ZNF605: variants seen among roughly 807,000 people sequenced by gnomAD.
ZNF605 encodes the protein zinc finger protein 605.
ZNF605 carries 9 observed loss-of-function variants against 7.9 expected under a neutral mutation model. The ratio of observed to expected loss-of-function variants is 1.14; its 90% CI spans 0.68 to 1.98. The LOEUF (loss-of-function observed/expected upper bound fraction) is 1.98. Among genes scored for constraint, ZNF605 ranks in the 30% most tolerant of loss-of-function variants. ZNF605 has a pLI of 0.00. For synonymous variants in ZNF605, 255 were observed against 260.1 expected (o/e 0.98, Z 0.19); for missense variants, 673 against 762.4 (o/e 0.88, Z 1.38).
intron 3 of ZNF605, among the ~76,000 whole-genome samples, chr12:132,944,262 G>C (rs1396043104): frequency 6.6e-6 from 1 of 151,724 alleles, no homozygotes; most frequent in African/African-American, 2.4e-5. Flanking sequence ...CCGTCACCCA[G>C]GCTGGAGTGC....
chr12:132,925,465 T>C lies in ZNF605; in HGVS notation c.1834A>G (p.Thr612Ala). The C allele has an allele frequency of 6.2e-7, 1 of 1,614,236 alleles. No homozygotes were observed. The highest frequency in any genetic ancestry group is 1.1e-5 in the South Asian group (1 of 91,088). Residue 612 changes from threonine to alanine, a missense_variant, in exon 5 of 5, where the codon ACA (threonine) becomes GCA (alanine). Transcript: ENST00000360187. The stretch of plus-strand genomic sequence containing the variant: ...TTGCATCCATAGTATTTATCTCCTG[T>C]ATGAATCCTCTGATGCCTCATAAGG... ...SHLMRHQRIHTGDKYYGCNEC... is the reference protein window; with the variant it reads ...SHLMRHQRIHAGDKYYGCNEC...
Position 132,933,231 on chromosome 12 carries a change from G to T in ZNF605, c.16-76C>A, listed in dbSNP as rs1269273368. The T allele has an allele frequency of 2.0e-6, 3 of 1,500,664 alleles. No homozygotes were observed. Among genetic ancestry groups the T allele is most frequent in the South Asian group, 1.4e-5 (1 of 73,578 alleles). 93.0% of individuals were successfully genotyped at this position (1,500,664 alleles called of 1,614,324 possible). ...GTAAAATACTTTCTTCTGTATTTGT[G>T]GTAGGTGGCCTCTAAGATGGCCCCA... is the stretch of plus-strand genomic sequence containing the variant. On this transcript the variant is annotated intron_variant, in intron 3 of 4. Coordinates refer to ENST00000360187, the MANE Select transcript of ZNF605 (RefSeq NM_183238.4). The surrounding 1 kb of genome is among the most constrained non-coding windows in gnomAD (Gnocchi z 4.4).
intron 1 of ZNF605, among the ~76,000 whole-genome samples, chr12:132,951,808 A>ACACACATACACATACAC (rs1593606089): frequency 6.6e-6 from 1 of 151,416 alleles, no homozygotes; most frequent in Admixed American, 6.6e-5. Flanking sequence ...ATCACACATC[A>ACACACATACACATACAC]CACACATACA....
intron 3 of ZNF605, among the ~76,000 whole-genome samples, chr12:132,934,947 C>T (rs1401388101): frequency 6.6e-6 from 1 of 151,990 alleles, no homozygotes; most frequent in African/African-American, 2.4e-5. Flanking sequence ...GTCCTGGTTA[C>T]AGAGGGGGAT....
In ZNF605 at chr12:132,918,863, G is replaced by C. The variant is rs1283452859; in HGVS notation, c.*6510C>G. ...GGCCTCCCAAAGTGCTGGGATGACAGGCGTGAGCCATCGCACCTGGCCAGC... is the reference window on the plus strand; with the variant it reads ...GGCCTCCCAAAGTGCTGGGATGACACGCGTGAGCCATCGCACCTGGCCAGC... On this transcript the variant is annotated 3_prime_UTR_variant, in exon 5 of 5. Transcript: ENST00000360187. The C allele has an allele frequency of 2.0e-5, 3 of 152,326 alleles. No homozygotes were observed. Among genetic ancestry groups the C allele is most frequent in the African/African-American group, 7.2e-5 (3 of 41,472 alleles). 9.4% of individuals were successfully genotyped at this position (152,326 alleles called of 1,614,324 possible).
intron 3 of ZNF605, among the ~76,000 whole-genome samples, chr12:132,935,990 G>A (rs1952361544): frequency 6.6e-6 from 1 of 151,728 alleles, no homozygotes; most frequent in African/African-American, 2.4e-5. Flanking sequence ...GAACCCAGGA[G>A]GTGGAGCTTG....
At chr12:132,950,552 T>C (rs1174366763) in intron 1 of ZNF605, among the ~76,000 whole-genome samples, 1 of 149,370 alleles carries the variant, frequency 6.7e-6, no homozygotes, top group Non-Finnish European at 1.5e-5. Flanking sequence ...GACACACTAA[T>C]ACACCCGTAC....
chr12:132,941,802 G>GCCCTCTGTCACGCT lies in ZNF605; in HGVS notation c.15+3805_15+3818dup, dbSNP rs1952445570. ...TCCGTCACGCGCCCTTTTCCAGGCT[G>GCCCTCTGTCACGCT]CCCTCTGTCACGCTCCTTCTCGAGG... is the stretch of plus-strand genomic sequence containing the variant. On this transcript the variant is annotated intron_variant, in intron 3 of 4. Transcript: ENST00000360187. This position sits in a 1 kb window ranked among gnomAD's most constrained non-coding sequence, Gnocchi z 5.1. Among the ~76,000 whole-genome samples, 4 of 151,586 alleles carry GCCCTCTGTCACGCT rather than the reference G, an allele frequency of 2.6e-5. No individual in the cohort carries two copies. Among genetic ancestry groups the GCCCTCTGTCACGCT allele is most frequent in the Non-Finnish European group, 5.9e-5 (4 of 67,904 alleles).
In ZNF605 at chr12:132,932,419, T is replaced by C. The variant is rs368296908; in HGVS notation, c.136+616A>G. On this transcript the variant is annotated intron_variant, in intron 4 of 4. Transcript: ENST00000360187. ...TCTAAAAGAAGAAAAAAATTATGAA[T>C]TCATAAAGAGAGCCTTAACTAAGAA... Among the ~76,000 whole-genome samples the C allele has an allele frequency of 3.5e-4, 53 of 152,266 alleles. No individual in the cohort carries two copies. The South Asian group carries it at 0.011, about 30-fold the overall frequency.
chr12:132,925,427 G>C lies in ZNF605; in HGVS notation c.1872C>G (p.Thr624=), dbSNP rs1952237300. ...DKYYGCNECG[T]TFNRKSQLMI... is the part of the protein sequence containing the mutation. ...TAAGCTGCGACTTCCTGTTGAAGGT[G>C]GTCCCACACTCATTGCATCCATAGT... Residue 624 remains threonine, a synonymous_variant, in exon 5 of 5, where the codon ACC becomes ACG. Transcript: ENST00000360187. 1.2e-6 allele frequency: 2 copies of C among 1,610,496 alleles called. No individual in the cohort carries two copies. The highest frequency in any genetic ancestry group is 1.3e-5 in the African/African-American group (1 of 74,784).
intron 1 of ZNF605, among the ~76,000 whole-genome samples, chr12:132,950,484 C>G (rs1593604034): frequency 6.6e-6 from 1 of 151,920 alleles, no homozygotes; most frequent in African/African-American, 2.4e-5. Flanking sequence ...CATGCACACA[C>G]AGACGCACAC....
chr12:132,953,468 T>C (rs1952594533), intron 1 of ZNF605, among the ~76,000 whole-genome samples: 2 of 152,198 alleles, frequency 1.3e-5, no homozygotes, highest in Non-Finnish European at 2.9e-5. Flanking sequence ...CACTCTGTCA[T>C]CAGGCTGGAG....
chr12:132,944,545 T>C (rs1387209397), intron 3 of ZNF605, among the ~76,000 whole-genome samples: 4 of 152,294 alleles, frequency 2.6e-5, no homozygotes, highest in East Asian at 3.9e-4. Flanking sequence ...ATGGGGACCA[T>C]TTGAAGGTTT....
intron 1 of ZNF605, among the ~76,000 whole-genome samples, chr12:132,952,084 A>G (rs1952578959): frequency 6.6e-6 from 1 of 152,132 alleles, no homozygotes; most frequent in Non-Finnish European, 1.5e-5. Context: ...AGACCACTCA[A>G]CAAGATGTAC....
At chr12:132,931,719 G>T (rs981557237) in intron 4 of ZNF605, among the ~76,000 whole-genome samples, 18 of 152,186 alleles carry the variant, frequency 1.2e-4, no homozygotes, top group Non-Finnish European at 1.6e-4. Context: ...CATACCATGA[G>T]ATTCTTCAAC....
In ZNF605 at chr12:132,923,780, T is replaced by A. The variant is rs773992338; in HGVS notation, c.*1593A>T. 6.6e-6 allele frequency: 1 copy of A among 152,200 alleles called. No individual in the cohort carries two copies. The highest frequency in any genetic ancestry group is 1.5e-5 in the Non-Finnish European group (1 of 68,024). The allele number at this position is 152,200 out of a possible 1,614,324, so 9.4% of individuals were successfully genotyped here. ...CATTATTTATTCAAATACTTCTTCA[T>A]GCCTCTTCATTTTCTCCTCTCCTTC... is the stretch of plus-strand genomic sequence containing the variant. On this transcript the variant is annotated 3_prime_UTR_variant, in exon 5 of 5. Transcript: ENST00000360187.
chr12:132,951,574 T>TGC (rs1952567694), intron 1 of ZNF605, among the ~76,000 whole-genome samples: 3 of 147,692 alleles, frequency 2.0e-5, no homozygotes, highest in Admixed American at 1.3e-4. Context: ...ACGTATACCA[T>TGC]ACACACAGAC....
At chr12:132,935,175 C>T (rs1390092192) in intron 3 of ZNF605, among the ~76,000 whole-genome samples, 1 of 152,050 alleles carries the variant, frequency 6.6e-6, no homozygotes, top group Non-Finnish European at 1.5e-5. Context: ...CCAGCAGCTA[C>T]AAGGGACACA....
intron 4 of ZNF605, 81 bp downstream of exon 4, chr12:132,932,954 G>A: frequency 6.7e-7 from 1 of 1,483,368 alleles, no homozygotes; most frequent in South Asian, 1.4e-5. Context: ...TCTTTGACAT[G>A]TAAAACTTAC....
Sources: gnomAD v4.1 joint callset for allele counts (sites outside exome capture counted in the v4.1 genomes callset) on GRCh38, gnomAD v4.1.1 for gene constraint, Gnocchi (gnomAD v3.1) non-coding constraint, MANE v1.5 for transcripts, NCBI Gene and HGNC (gene_info 2026-07-23, HGNC 2026-07-21) for gene names.